Variants in CUL2 observed in about 807,000 individuals in gnomAD.
The protein encoded by CUL2 is cullin-2.
CUL2 carries 22 observed loss-of-function variants against 110.2 expected under a neutral mutation model. That is an observed-to-expected ratio of 0.20 (90% confidence interval 0.14 to 0.28). CUL2 has a LOEUF of 0.28. Among genes scored for constraint, CUL2 ranks in the 10% least tolerant of loss-of-function variants. The pLI, the probability that CUL2 is intolerant of heterozygous loss-of-function variation, is 1.00. For missense variants in CUL2, 631 were observed against 905.5 expected (o/e 0.70, Z 3.89); for synonymous variants, 279 against 293.2 (o/e 0.95, Z 0.49).
chr10:35,055,939 C>A (rs1296809983), intron 4 of CUL2, among the ~76,000 whole-genome samples: 1 of 151,384 alleles, frequency 6.6e-6, no homozygotes, highest in Non-Finnish European at 1.5e-5. Flanking sequence ...GGTAGTCAGT[C>A]CCCTTTCATC....
At chr10:35,124,674 G>A (rs1391672389) in intron 1 of CUL2, among the ~76,000 whole-genome samples, 1 of 152,164 alleles carries the variant, frequency 6.6e-6, no homozygotes, top group Non-Finnish European at 1.5e-5. Context: ...TTTTCAAGAG[G>A]CACGATACTA....
intron 18 of CUL2, among the ~76,000 whole-genome samples, chr10:35,015,293 CAAAA>C (rs201140168): frequency 1.2e-5 from 1 of 80,798 alleles, no homozygotes; most frequent in Non-Finnish European, 2.5e-5. Flanking sequence ...AACTCCGTCT[CAAAA>C]AAAAAAAAAA....
chr10:35,048,310 C>G (rs575249997), intron 6 of CUL2, among the ~76,000 whole-genome samples: 3 of 152,098 alleles, frequency 2.0e-5, no homozygotes, highest in Admixed American at 6.5e-5. Flanking sequence ...AAAAATAAGA[C>G]AAGCAGACCA....
At chr10:35,039,668 C>T (rs1175720630) in intron 8 of CUL2, among the ~76,000 whole-genome samples, 1 of 152,060 alleles carries the variant, frequency 6.6e-6, no homozygotes, top group African/African-American at 2.4e-5. Context: ...AGTTTGAGAC[C>T]AGCATGGCCA....
rs1173072935 is a variant in CUL2 at position 35,119,865 on chromosome 10, C to T, written c.-51+6740G>A. 2.6e-5 allele frequency: 4 copies of T among 152,206 alleles called. No individual in the cohort carries two copies. The South Asian group carries it at 8.3e-4, about 31-fold the overall frequency. 9.4% of individuals were successfully genotyped at this position (152,206 alleles called of 1,614,324 possible). A position where few individuals can be genotyped will look rare whatever the true frequency, so the allele number is the denominator to read the frequency against. ...GTGTTGAGATTATAGGCACAGGCCA[C>T]CTTGCCCAGCTCAGGGAGGTTATTT... On this transcript the variant is annotated intron_variant, in intron 1 of 5. Coordinates refer to the CUL2 transcript ENST00000685421.
intron 1 of CUL2, among the ~76,000 whole-genome samples, chr10:35,114,355 GC>G (rs2087564534): frequency 6.6e-6 from 1 of 151,650 alleles, no homozygotes. Context: ...GTGAGGCACC[GC>G]CCCCAGCTGC....
chr10:35,068,575 AT>A (rs2086597034), intron 2 of CUL2, among the ~76,000 whole-genome samples: 1 of 152,218 alleles, frequency 6.6e-6, no homozygotes, highest in Non-Finnish European at 1.5e-5. Flanking sequence ...TCAATGTTCT[AT>A]TGATAATGTA....
In CUL2 at chr10:35,119,584, ATTTATTTATTTAT is replaced by A. The variant is rs1309903939; in HGVS notation, c.-51+7008_-51+7020del. Among the ~76,000 whole-genome samples the A allele has an allele frequency of 2.3e-3, 340 of 149,970 alleles. 1 individual carries two copies. The highest frequency in any genetic ancestry group is 8.0e-3 in the African/African-American group (329 of 41,018). On this transcript the variant is annotated intron_variant, in intron 1 of 5. Transcript: ENST00000685421. Reference sequence around the variant, plus strand: ...ATTTTATTTATTTATTTATTTATTTATTTATTTATTTATTTATTTATTTATAGAGACAGGGTCT... The same window carrying A: ...ATTTTATTTATTTATTTATTTATTTATTATTTATTTATAGAGACAGGGTCT...
At chr10:35,117,169 C>T (rs1249112397) in intron 1 of CUL2, among the ~76,000 whole-genome samples, 2 of 152,154 alleles carry the variant, frequency 1.3e-5, no homozygotes, top group Non-Finnish European at 2.9e-5. Flanking sequence ...AAGAGAAGGG[C>T]ACTAGCTTAC....
At chr10:35,061,461 CAA>C (rs11347736) in intron 3 of CUL2, among the ~76,000 whole-genome samples, 4,225 of 97,276 alleles carry the variant, frequency 0.043, 79 homozygotes, top group Middle Eastern at 0.12. Flanking sequence ...CTCTGTCTCC[CAA>C]AAAAAAAAAA....
chr10:35,098,246 A>G (rs2135101506), intron 2 of CUL2: 1 of 152,334 alleles, frequency 6.6e-6, no homozygotes, highest in Middle Eastern at 3.4e-3. Flanking sequence ...CTGCACTGAA[A>G]AAGAACTCAT....
intron 4 of CUL2, among the ~76,000 whole-genome samples, chr10:35,056,906 A>G (rs1469094829): frequency 1.3e-5 from 2 of 152,108 alleles, no homozygotes; most frequent in Non-Finnish European, 2.9e-5. Context: ...CTGTCTTCCT[A>G]AAGTATGCAT....
chr10:35,033,704 T>C (rs1366845084), intron 10 of CUL2, among the ~76,000 whole-genome samples: 1 of 148,772 alleles, frequency 6.7e-6, no homozygotes, highest in Non-Finnish European at 1.5e-5. Flanking sequence ...ACCACTGCAC[T>C]CCAGCTTGGG....
At chr10:35,070,090 C>T (rs2086640681) in intron 2 of CUL2, among the ~76,000 whole-genome samples, 1 of 152,108 alleles carries the variant, frequency 6.6e-6, no homozygotes, top group Admixed American at 6.5e-5. Flanking sequence ...GCAAATAAGT[C>T]CCTTACCTCT....
At chr10:35,059,986 A>G (rs2086340892) in intron 4 of CUL2, among the ~76,000 whole-genome samples, 1 of 152,224 alleles carries the variant, frequency 6.6e-6, no homozygotes, top group South Asian at 2.1e-4. Context: ...TTAGCCAGGC[A>G]CAGTGGCTCA....
intron 1 of CUL2, among the ~76,000 whole-genome samples, chr10:35,104,260 G>C (rs959085203): frequency 2.0e-5 from 3 of 152,188 alleles, no homozygotes; most frequent in Admixed American, 2.0e-4. Flanking sequence ...CAGCCTGGGT[G>C]ACATGGAGAA....
intron 6 of CUL2, 103 bp from the exon 7 acceptor site, chr10:35,044,971 C>G: frequency 1.3e-6 from 1 of 746,676 alleles, no homozygotes; most frequent in South Asian, 1.8e-5. Flanking sequence ...TTGGTCTAAT[C>G]AAAGTGTAAA....
chr10:35,122,298 C>A (rs1443471530), intron 1 of CUL2, among the ~76,000 whole-genome samples: 1 of 152,180 alleles, frequency 6.6e-6, no homozygotes, highest in African/African-American at 2.4e-5. Context: ...AATGCTAAAT[C>A]TTGAGATCTG....
intron 4 of CUL2, among the ~76,000 whole-genome samples, chr10:35,055,609 G>A (rs1203131182): frequency 1.3e-5 from 2 of 152,044 alleles, no homozygotes; most frequent in Non-Finnish European, 2.9e-5. Context: ...CTCCAAAGTG[G>A]TATACCCACA....
Sources: allele counts gnomAD v4.1 joint callset (sites outside exome capture counted in the v4.1 genomes callset), GRCh38; gene constraint gnomAD v4.1.1; transcripts MANE v1.5; gene names NCBI Gene and HGNC (gene_info 2026-07-23, HGNC 2026-07-21).